The following DOCK6 variants were observed in gnomAD, a reference collection of about 807,000 sequenced individuals.
DOCK6 encodes the protein dedicator of cytokinesis 6, also known as dedicator of cytokinesis protein 6.
In DOCK6, 167 loss-of-function variants were observed where a neutral mutation model predicts 230.3. The observed-to-expected ratio is 0.73, with a 90% CI of 0.64 to 0.82. The LOEUF is 0.82. DOCK6 is among the 40% of genes least tolerant of loss of function. DOCK6 has a pLI of 0.00. For missense variants in DOCK6, 2,598 were observed against 2,825.8 expected (o/e 0.92, Z 1.83); for synonymous variants, 1,148 against 1,185.0 (o/e 0.97, Z 0.64).
intron 18 of DOCK6, 177 bp from the exon 19 acceptor site, chr19:11,237,056 G>A: frequency 3.2e-6 from 2 of 629,570 alleles, no homozygotes; most frequent in Non-Finnish European, 2.7e-6. Context: ...TGGGCAGGCT[G>A]GAAATCCACA....
chr19:11,202,820 C>A lies in DOCK6; in HGVS notation c.5236-111G>T. On this transcript the variant is annotated intron_variant, in intron 41 of 47. Transcript: ENST00000294618. This position sits in a 1 kb window ranked among gnomAD's most constrained non-coding sequence, Gnocchi z 5.3. ...GATGGGAGTGTGAGGACCCCGAGAA[C>A]ATCAGGGCATGGGCACAGGCAGGGG... The A allele has an allele frequency of 6.4e-7, 1 of 1,558,990 alleles. No individual in the cohort carries two copies. Among genetic ancestry groups the A allele is most frequent in the Non-Finnish European group, 8.7e-7 (1 of 1,146,556 alleles).
chr19:11,215,598 G>A (rs1465141016), intron 31 of DOCK6, 127 bp from the exon 32 acceptor site: 2 of 1,280,626 alleles, frequency 1.6e-6, no homozygotes, highest in African/African-American at 1.5e-5. Flanking sequence ...TGGAGCAGAA[G>A]CCTGCCGGGT....
In DOCK6 at chr19:11,241,480, C is replaced by T. The variant is rs371251856; in HGVS notation, c.1643+565G>A. On this transcript the variant is annotated intron_variant, in intron 14 of 47. Coordinates refer to ENST00000294618, the MANE Select transcript of DOCK6 (RefSeq NM_020812.4). ...ACAAGCAGAGCCACATCCTATGGGC[C>T]CTCACAGGCCACGTGCAGCGGCAGA... is the stretch of plus-strand genomic sequence containing the variant. 2.6e-6 allele frequency: 4 copies of T among 1,552,098 alleles called. No homozygotes were observed. In the African/African-American group the frequency reaches 5.5e-5, roughly 21 times the overall value.
Position 11,214,324 on chromosome 19 carries a change from G to T in DOCK6, c.4289C>A (p.Ala1430Asp). 6.2e-7 allele frequency: 1 copy of T among 1,613,610 alleles called. No individual in the cohort carries two copies. ...VLYSLGSAQS[A>D]LFLQHGLATQ... ...GGCCAGGCCATGCTGCAAGAAGAGG[G>T]CACTCTGGGCACTGCCCAGGCTGTA... Residue 1430 changes from alanine (A) to aspartate (D), a missense_variant, in exon 34 of 48, where the codon GCC (alanine) becomes GAC (aspartate). Coordinates refer to ENST00000294618, the MANE Select transcript of DOCK6 (RefSeq NM_020812.4).
In DOCK6 at chr19:11,218,819, CTT is replaced by C. The variant is rs201934804; in HGVS notation, c.3551-1430_3551-1429del. 9.4e-3 allele frequency among the ~76,000 whole-genome samples: 1,320 copies of C among 140,690 alleles called. 10 individuals carry two copies. Among genetic ancestry groups the C allele is most frequent in the Non-Finnish European group, 0.013 (872 of 65,986 alleles). The allele number at this position is 140,690 out of a possible 152,430, so 92.3% of individuals were successfully genotyped here. On this transcript the variant is annotated intron_variant, in intron 28 of 47. Transcript: ENST00000294618. The stretch of plus-strand genomic sequence containing the variant: ...TATGTGCCAGATGCTGTTCTAAGGA[CTT>C]TAAAAATATTCACTCTTTCAAATCA...
rs766762013 is a variant in DOCK6 at position 11,252,923 on chromosome 19, A to G, written c.168T>C (p.Phe56=). The change falls in exon 3 of 48, where the codon TTT becomes TTC. Residue 56 remains phenylalanine (F), a synonymous_variant. Transcript: ENST00000294618. ...GTGGCCGGCTCAGAAGTACATCCTC[A>G]AAGTCCAGGGGCTCGACAACTTCAG... ...PLTEVVEPLD[F]EDVLLSRPPD... 1.2e-6 allele frequency: 2 copies of G among 1,612,380 alleles called. No individual in the cohort carries two copies. Among genetic ancestry groups the G allele is most frequent in the East Asian group, 4.5e-5 (2 of 44,838 alleles).
At position 11,236,106 on chromosome 19, in the gene DOCK6, T is replaced by C; in HGVS notation, c.2392+240A>G. ...TGTTGGTCAGGCTGGTCTCAAACTC[T>C]CGACCTCAGGTGATCTGCCCGCCTC... is the stretch of plus-strand genomic sequence containing the variant. On this transcript the variant is annotated intron_variant, in intron 20 of 47. Coordinates refer to ENST00000294618, the MANE Select transcript of DOCK6 (RefSeq NM_020812.4). This position sits in a 1 kb window ranked among gnomAD's most constrained non-coding sequence, Gnocchi z 5.2. 3.7e-6 allele frequency: 2 copies of C among 547,556 alleles called. No individual in the cohort carries two copies. Among genetic ancestry groups the C allele is most frequent in the South Asian group, 2.6e-5 (1 of 38,778 alleles). The allele number at this position is 547,556 out of a possible 1,614,324, so 33.9% of individuals were successfully genotyped here.
chr19:11,209,680 CCCTTCACTTGTCTAT>C (rs2079332586), intron 37 of DOCK6, among the ~76,000 whole-genome samples: 1 of 83,028 alleles, frequency 1.2e-5, no homozygotes, highest in Non-Finnish European at 3.1e-5. Flanking sequence ...ACCTGTCCAT[CCCTTCACTTGTCTAT>C]CCCCTCACCT....
At chr19:11,250,329 T>C (rs184017268) in intron 6 of DOCK6, among the ~76,000 whole-genome samples, 2 of 151,002 alleles carry the variant, frequency 1.3e-5, no homozygotes, top group East Asian at 2.0e-4. Flanking sequence ...CTTTTTTTTT[T>C]TTGAGACAGA....
Position 11,243,344 on chromosome 19 carries a change from G to A in DOCK6, c.1300C>T (p.Gln434Ter). 6.3e-7 allele frequency: 1 copy of A among 1,599,876 alleles called. No homozygotes were observed. ...AWTDRRRRGP[Q>*]DRASSGDDAC... is the part of the protein sequence containing the mutation. Reference sequence around the variant, plus strand: ...TCGTCCCCACTACTCGCCCGGTCCTGGGGCCCCCGACGGCGGCGGTCTGTC... The same window carrying A: ...TCGTCCCCACTACTCGCCCGGTCCTAGGGCCCCCGACGGCGGCGGTCTGTC... The change falls in exon 12 of 48, where the codon CAG becomes TAG. Residue 434 changes from glutamine (Q) to a stop codon, truncating the protein, a stop_gained. Coordinates refer to ENST00000294618, the MANE Select transcript of DOCK6 (RefSeq NM_020812.4). LOFTEE classifies it high-confidence loss of function. This position sits in a 1 kb window ranked among gnomAD's most constrained non-coding sequence, Gnocchi z 6.3.
Position 11,225,968 on chromosome 19 carries a change from A to G in DOCK6, c.2955+1369T>C, listed in dbSNP as rs532895946. 8.6e-5 allele frequency among the ~76,000 whole-genome samples: 13 copies of G among 151,562 alleles called. No individual in the cohort carries two copies. The South Asian group carries it at 2.5e-3, about 29-fold the overall frequency. ...TGAGGAGAGAGGATCCCTTGAGCCCAGGAGGTCAAGGCTGCCGTGAACTAT... is the reference window on the plus strand; with the variant it reads ...TGAGGAGAGAGGATCCCTTGAGCCCGGGAGGTCAAGGCTGCCGTGAACTAT... On this transcript the variant is annotated intron_variant, in intron 24 of 47. Transcript: ENST00000294618.
rs761580537 is a variant in DOCK6 at position 11,237,534 on chromosome 19, C to T, written c.1995G>A (p.Gly665=). The change falls in exon 18 of 48, where the codon GGG becomes GGA. Residue 665 remains glycine (G), a synonymous_variant. Transcript: ENST00000294618. ...GACAGAAGGGGCCGGTCCTCAGGCG[C>T]CCGTGCTGCAGCAGTGGGATCCACT... ...GFTWIPLLQH[G]RLRTGPFCLP... 22 of 1,612,772 alleles carry T rather than the reference C, an allele frequency of 1.4e-5. No individual in the cohort carries two copies. Among genetic ancestry groups the T allele is most frequent in the Non-Finnish European group, 1.8e-5 (21 of 1,179,696 alleles).
At position 11,223,233 on chromosome 19, in the gene DOCK6, T is replaced by C. The variant is rs189502504; in HGVS notation, c.2956-127A>G. The stretch of plus-strand genomic sequence containing the variant: ...TGCCCCAAAGCCTTTGTCTGTGGGC[T>C]GTGGTGACTCTGGGACTTCCTGGTT... On this transcript the variant is annotated intron_variant, in intron 24 of 47. Coordinates refer to ENST00000294618, the MANE Select transcript of DOCK6 (RefSeq NM_020812.4). 1.4e-4 allele frequency: 119 copies of C among 839,608 alleles called. 1 individual carries two copies. The Middle Eastern group carries it at 2.2e-3, about 16-fold the overall frequency. 52.0% of individuals were successfully genotyped at this position (839,608 alleles called of 1,614,324 possible). A position where few individuals can be genotyped will look rare whatever the true frequency, so the allele number is the denominator to read the frequency against.
intron 14 of DOCK6, chr19:11,240,318 A>T: frequency 1.3e-6 from 2 of 1,528,830 alleles, no homozygotes; most frequent in Non-Finnish European, 1.8e-6. Context: ...CCCCAACCCT[A>T]GTGGGCTGAG....
At chr19:11,234,544 C>T (rs1222616863) in intron 21 of DOCK6, among the ~76,000 whole-genome samples, 1 of 151,312 alleles carries the variant, frequency 6.6e-6, no homozygotes, top group African/African-American at 2.4e-5. Flanking sequence ...TGAGGGTTCA[C>T]TATGTGCTAA....
intron 6 of DOCK6, among the ~76,000 whole-genome samples, chr19:11,250,384 G>A (rs959118091): frequency 6.6e-6 from 1 of 151,420 alleles, no homozygotes; most frequent in Admixed American, 6.6e-5. Context: ...CGGTGATTTC[G>A]GCTCACTGCA....
chr19:11,201,851 A>ACCAAC lies in DOCK6; in HGVS notation c.5688+37_5688+38insGTTGG. Reference sequence around the variant, plus strand: ...CCCTCCCAGGGTCTGATGTCCCCTCACCTCCCCACCCCCGCCAGGCCCAGG... The same window carrying ACCAAC: ...CCCTCCCAGGGTCTGATGTCCCCTCACCAACCCTCCCCACCCCCGCCAGGCCCAGG... On this transcript the variant is annotated intron_variant, in intron 44 of 47. Transcript: ENST00000294618. This position sits in a 1 kb window ranked among gnomAD's most constrained non-coding sequence, Gnocchi z 4.3. The ACCAAC allele has an allele frequency of 2.4e-6, 3 of 1,275,888 alleles. No homozygotes were observed. Among genetic ancestry groups the ACCAAC allele is most frequent in the Non-Finnish European group, 3.1e-6 (3 of 968,772 alleles). 79.0% of individuals were successfully genotyped at this position (1,275,888 alleles called of 1,614,324 possible).
chr19:11,256,400 G>A (rs1358102038), intron 1 of DOCK6, among the ~76,000 whole-genome samples: 2 of 152,142 alleles, frequency 1.3e-5, no homozygotes, highest in African/African-American at 4.8e-5. Context: ...AGAGGCCCCT[G>A]CAGTGGGAAA....
At chr19:11,246,005 G>A (rs2080027562) in intron 7 of DOCK6, 127 bp from the exon 8 acceptor site, 1 of 1,049,880 alleles carries the variant, frequency 9.5e-7, no homozygotes, top group Non-Finnish European at 1.4e-6. Flanking sequence ...CGCCACTTAA[G>A]GGCTTGCAGA....
Sources: allele counts gnomAD v4.1 joint callset (sites outside exome capture counted in the v4.1 genomes callset), GRCh38; gene constraint gnomAD v4.1.1; non-coding constraint Gnocchi (gnomAD v3.1); transcripts MANE v1.5; gene names NCBI Gene and HGNC (gene_info 2026-07-23, HGNC 2026-07-21).